TNKS: variants seen among roughly 807,000 people sequenced by gnomAD.
The protein encoded by TNKS is tankyrase.
In TNKS, 72 loss-of-function variants were observed where a neutral mutation model predicts 135.8. The ratio of observed to expected loss-of-function variants is 0.53; its 90% CI spans 0.44 to 0.64. The LOEUF is 0.64. Among genes scored for constraint, TNKS ranks in the 30% least tolerant of loss-of-function variants. The pLI is 0.00. For synonymous variants in TNKS, 849 were observed against 649.3 expected, an observed-to-expected ratio of 1.31 and a Z score of -4.68; for missense variants, 1,769 against 1,674.0, an observed-to-expected ratio of 1.06 and a Z score of -0.99.
intron 25 of TNKS, among the ~76,000 whole-genome samples, chr8:9,766,954 G>C (rs1221252336): frequency 1.3e-5 from 2 of 152,168 alleles, no homozygotes; most frequent in Non-Finnish European, 2.9e-5. Flanking sequence ...ATGGCCTCCA[G>C]TCACGGGTTA....
chr8:9,726,827 G>T, intron 13 of TNKS, 107 bp downstream of exon 13: 2 of 908,782 alleles, frequency 2.2e-6, no homozygotes, highest in East Asian at 4.9e-5. Context: ...TAAAAAGGAT[G>T]AACAGAGTCA....
At chr8:9,710,701 C>A (rs548022384) in intron 11 of TNKS, among the ~76,000 whole-genome samples, 76 of 152,250 alleles carry the variant, frequency 5.0e-4, no homozygotes, top group African/African-American at 1.8e-3. Context: ...TGGAGACCAT[C>A]CTGGCTAAGA....
intron 26 of TNKS, among the ~76,000 whole-genome samples, chr8:9,775,457 TTCTATATA>T (rs1389405600): frequency 6.1e-5 from 4 of 65,792 alleles, no homozygotes; most frequent in East Asian, 5.4e-4. Context: ...TTATGAATGG[TTCTATATA>T]TATATATATA....
At chr8:9,636,108 C>G (rs1800501788) in intron 3 of TNKS, among the ~76,000 whole-genome samples, 1 of 152,122 alleles carries the variant, frequency 6.6e-6, no homozygotes, top group Admixed American at 6.5e-5. Context: ...GTATTGCAGC[C>G]TTCTCAAATG....
intron 3 of TNKS, among the ~76,000 whole-genome samples, chr8:9,651,136 G>T (rs1801133744): frequency 6.6e-6 from 1 of 151,966 alleles, no homozygotes. Context: ...GAGTACTTGG[G>T]TTTCTTTCTG....
chr8:9,691,154 G>C (rs1803247000), intron 5 of TNKS, among the ~76,000 whole-genome samples: 1 of 152,250 alleles, frequency 6.6e-6, no homozygotes, highest in Non-Finnish European at 1.5e-5. Flanking sequence ...AGTAACTGCA[G>C]GGGAGTTTAG....
chr8:9,730,650 G>A (rs761199272), intron 13 of TNKS, among the ~76,000 whole-genome samples: 4 of 152,090 alleles, frequency 2.6e-5, no homozygotes, highest in Non-Finnish European at 5.9e-5. Context: ...ATTTGATTCC[G>A]ATTTTGGTTG....
Position 9,653,393 on chromosome 8 carries a change from T to A in TNKS, c.995-26558T>A, listed in dbSNP as rs143764037. Among the ~76,000 whole-genome samples the A allele has an allele frequency of 2.4e-3, 371 of 152,048 alleles. 3 individuals carry two copies. The highest frequency in any genetic ancestry group is 8.7e-3 in the African/African-American group (360 of 41,452). ...CTATAAGTGAATAATCAAGACTGGG[T>A]AATTTATAAGGGAGAGAGGTTTATT... On this transcript the variant is annotated intron_variant, in intron 3 of 26. Transcript: ENST00000310430.
chr8:9,607,749 ATAAGTACTTTC>A (rs1422188622), intron 2 of TNKS, among the ~76,000 whole-genome samples: 1 of 152,200 alleles, frequency 6.6e-6, no homozygotes, highest in African/African-American at 2.4e-5. Flanking sequence ...GGAGCCCTTT[ATAAGTACTTTC>A]TAATTCTTCA....
chr8:9,662,835 C>G (rs536232791), intron 3 of TNKS, among the ~76,000 whole-genome samples: 2 of 152,336 alleles, frequency 1.3e-5, no homozygotes, highest in South Asian at 4.1e-4. Flanking sequence ...TAAAAATCCT[C>G]AATCTGCCAT....
chr8:9,728,897 AC>A, intron 13 of TNKS, among the ~76,000 whole-genome samples: 1 of 152,056 alleles, frequency 6.6e-6, no homozygotes, highest in Non-Finnish European at 1.5e-5. Context: ...TTTTTATCCT[AC>A]CTGTGTGAAA....
At chr8:9,721,870 G>C (rs1804900967) in intron 12 of TNKS, among the ~76,000 whole-genome samples, 1 of 151,944 alleles carries the variant, frequency 6.6e-6, no homozygotes, top group South Asian at 2.1e-4. Flanking sequence ...TGGCCAACAT[G>C]GTGAAACCCC....
At chr8:9,672,739 A>T (rs985990866) in intron 3 of TNKS, among the ~76,000 whole-genome samples, 4 of 133,832 alleles carry the variant, frequency 3.0e-5, no homozygotes, top group Non-Finnish European at 3.2e-5. Context: ...CTAATATCCC[A>T]CTTCCCCCAG....
intron 3 of TNKS, among the ~76,000 whole-genome samples, chr8:9,647,626 A>G (rs951678708): frequency 1.3e-5 from 2 of 152,218 alleles, no homozygotes; most frequent in South Asian, 2.1e-4. Context: ...TGTGTGCTCC[A>G]TAACACTTCA....
intron 25 of TNKS, among the ~76,000 whole-genome samples, chr8:9,767,438 T>A (rs552513412): frequency 6.8e-4 from 103 of 152,340 alleles, no homozygotes; most frequent in African/African-American, 2.3e-3. Flanking sequence ...GCCAGGTTAA[T>A]AAGATACTTT....
intron 3 of TNKS, among the ~76,000 whole-genome samples, chr8:9,654,909 G>T (rs1352947896): frequency 1.3e-5 from 2 of 151,724 alleles, no homozygotes; most frequent in Non-Finnish European, 2.9e-5. Context: ...GCAGGACAGT[G>T]GGTGCAACGC....
chr8:9,578,399 G>C (rs1033658682), intron 1 of TNKS, among the ~76,000 whole-genome samples: 1 of 152,186 alleles, frequency 6.6e-6, no homozygotes, highest in Non-Finnish European at 1.5e-5. Context: ...GATGCTGACA[G>C]TTTACTTGAG....
intron 25 of TNKS, among the ~76,000 whole-genome samples, chr8:9,769,612 CTTTTTT>C (rs1163803220): frequency 4.1e-5 from 3 of 73,462 alleles, no homozygotes; most frequent in African/African-American, 1.7e-4. Context: ...CAGGCATTTT[CTTTTTT>C]TTTTTTTTTT....
intron 26 of TNKS, among the ~76,000 whole-genome samples, chr8:9,774,211 T>C (rs1359993166): frequency 6.6e-6 from 1 of 152,224 alleles, no homozygotes; most frequent in South Asian, 2.1e-4. Flanking sequence ...CTCTGCTCAT[T>C]GGTTTCTCCA....
Sources: gnomAD v4.1 joint callset for allele counts (sites outside exome capture counted in the v4.1 genomes callset) on GRCh38, gnomAD v4.1.1 for gene constraint, MANE v1.5 for transcripts, NCBI Gene and HGNC (gene_info 2026-07-23, HGNC 2026-07-21) for gene names.